The following FOCAD variants were observed in gnomAD, a reference collection of about 807,000 sequenced individuals.
FOCAD encodes focadhesin.
In FOCAD, 198 loss-of-function variants were observed where a neutral mutation model predicts 225.6. The ratio of observed to expected loss-of-function variants is 0.88; its 90% CI spans 0.78 to 0.99. The LOEUF (loss-of-function observed/expected upper bound fraction) is 0.99, where lower values mean the gene tolerates loss of function less well. Ranked by LOEUF, FOCAD falls within the 50% of genes least tolerant of loss-of-function variation. The pLI is 0.00. For synonymous variants in FOCAD, 897 were observed against 755.0 expected (o/e 1.19, Z -3.08); for missense variants, 2,713 against 2,123.6 (o/e 1.28, Z -5.46).
intron 35 of FOCAD, among the ~76,000 whole-genome samples, chr9:20,967,007 G>T (rs1217130553): frequency 6.6e-6 from 1 of 151,686 alleles, no homozygotes; most frequent in Non-Finnish European, 1.5e-5. Context: ...GGTATTTGGG[G>T]CCCCTTGCAA....
chr9:20,976,643 A>G, intron 36 of FOCAD, 95 bp downstream of exon 36: 1 of 1,320,032 alleles, frequency 7.6e-7, no homozygotes, highest in Non-Finnish European at 1.1e-6. Context: ...TAGTGACTGG[A>G]TAGACTTTTC....
intron 2 of FOCAD, among the ~76,000 whole-genome samples, chr9:20,671,435 C>T (rs1822060726): frequency 6.6e-6 from 1 of 151,984 alleles, no homozygotes; most frequent in Non-Finnish European, 1.5e-5. Flanking sequence ...GGCTTCAGCC[C>T]AGAACAAGCT....
chr9:20,951,514 T>C (rs1167667053), intron 34 of FOCAD, among the ~76,000 whole-genome samples: 1 of 152,212 alleles, frequency 6.6e-6, no homozygotes, highest in Non-Finnish European at 1.5e-5. Context: ...AGATTTATTT[T>C]ACTAGATGTA....
At chr9:20,804,092 G>C (rs542143244) in intron 11 of FOCAD, among the ~76,000 whole-genome samples, 1 of 152,002 alleles carries the variant, frequency 6.6e-6, no homozygotes, top group Non-Finnish European at 1.5e-5. Flanking sequence ...AGGTGGGTTC[G>C]ATTCACACCT....
At chr9:20,818,447 G>T (rs1823966468) in intron 11 of FOCAD, among the ~76,000 whole-genome samples, 1 of 151,888 alleles carries the variant, frequency 6.6e-6, no homozygotes, top group African/African-American at 2.4e-5. Context: ...CTACCCCAAT[G>T]TTACAAAGAC....
intron 37 of FOCAD, among the ~76,000 whole-genome samples, chr9:20,980,820 T>A (rs966533505): frequency 1.3e-5 from 2 of 152,238 alleles, no homozygotes; most frequent in African/African-American, 4.8e-5. Context: ...GCCCACTTGG[T>A]TGAAGTCTGT....
chr9:20,753,665 C>G (rs947635041), intron 5 of FOCAD, among the ~76,000 whole-genome samples: 6 of 152,106 alleles, frequency 3.9e-5, no homozygotes, highest in Non-Finnish European at 8.8e-5. Flanking sequence ...CAGGATGATG[C>G]TGGCCTCATA....
At chr9:20,885,805 T>A (rs1242607881) in intron 21 of FOCAD, among the ~76,000 whole-genome samples, 1 of 152,190 alleles carries the variant, frequency 6.6e-6, no homozygotes, top group Non-Finnish European at 1.5e-5. Context: ...GTATTTTTAT[T>A]GTTTTTAAAT....
intron 28 of FOCAD, among the ~76,000 whole-genome samples, chr9:20,937,324 A>C (rs1836087132): frequency 6.6e-6 from 1 of 151,556 alleles, no homozygotes; most frequent in African/African-American, 2.4e-5. Flanking sequence ...CCTGACTTCA[A>C]ACTATACTAC....
At chr9:20,825,282 C>T (rs1431105564) in intron 15 of FOCAD, among the ~76,000 whole-genome samples, 2 of 151,764 alleles carry the variant, frequency 1.3e-5, no homozygotes, top group African/African-American at 4.8e-5. Flanking sequence ...CATTTACTAA[C>T]TGGGGGCTCA....
Position 20,990,198 on chromosome 9 carries a change from G to A in FOCAD, c.5080G>A (p.Gly1694Ser), listed in dbSNP as rs1420513017. ...WADHTAPLLL[G>S]LSASWLPWHQ... Reference sequence around the variant, plus strand: ...TGACCACACTGCCCCTCTCCTCCTCGGCCTCAGTGCCAGTTGGTTGCCATG... The same window carrying A: ...TGACCACACTGCCCCTCTCCTCCTCAGCCTCAGTGCCAGTTGGTTGCCATG... Residue 1694 changes from glycine (G) to serine (S), a missense_variant, in exon 42 of 44, where the codon GGC becomes AGC. Gly to Ser is a moderately conservative substitution (Grantham distance 56, BLOSUM62 0). Transcript: ENST00000338382. 19 of 1,613,998 alleles carry A rather than the reference G, an allele frequency of 1.2e-5. No individual in the cohort carries two copies. The highest frequency in any genetic ancestry group is 1.7e-5 in the Admixed American group (1 of 60,002).
At chr9:20,724,780 C>G (rs1271657922) in intron 4 of FOCAD, among the ~76,000 whole-genome samples, 2 of 151,762 alleles carry the variant, frequency 1.3e-5, no homozygotes, top group Non-Finnish European at 2.9e-5. Context: ...AAGAAACAAG[C>G]TAATTAAAAA....
rs1035621936 is a variant in FOCAD at position 20,929,267 on chromosome 9, GA to G, written c.3079-89del. The G allele has an allele frequency of 1.2e-4, 117 of 965,476 alleles. 1 individual carries two copies. In the African/African-American group the frequency reaches 1.8e-3, roughly 15 times the overall value. 59.8% of individuals were successfully genotyped at this position (965,476 alleles called of 1,614,324 possible). On this transcript the variant is annotated intron_variant, in intron 26 of 43. Transcript: ENST00000338382. ...GGTGTCGGCCGGGGTGGATCTAAGAGAAGCTTGTGTGGTTGTATAGTGCTTT... is the reference window on the plus strand; with the variant it reads ...GGTGTCGGCCGGGGTGGATCTAAGAGAGCTTGTGTGGTTGTATAGTGCTTT...
chr9:20,739,576 C>T (rs932324060), intron 4 of FOCAD, among the ~76,000 whole-genome samples: 8 of 150,176 alleles, frequency 5.3e-5, no homozygotes, highest in Non-Finnish European at 1.2e-4. Context: ...GAACTACAGG[C>T]TGGGCAACAA....
At chr9:20,812,472 G>A in intron 11 of FOCAD, among the ~76,000 whole-genome samples, 1 of 151,724 alleles carries the variant, frequency 6.6e-6, no homozygotes, top group East Asian at 1.9e-4. Flanking sequence ...TTTTTTTGCA[G>A]CCTCATGAAG....
intron 21 of FOCAD, among the ~76,000 whole-genome samples, chr9:20,904,275 G>T (rs1832776499): frequency 6.6e-6 from 1 of 151,894 alleles, no homozygotes; most frequent in African/African-American, 2.4e-5. Context: ...TATATACCTA[G>T]GTGTGGAATT....
chr9:20,882,097 G>A lies in FOCAD; in HGVS notation c.2503+41G>A, dbSNP rs772861529. 3.2e-6 allele frequency: 5 copies of A among 1,557,458 alleles called. No homozygotes were observed. The African/African-American group carries it at 5.5e-5, about 17-fold the overall frequency. ...AGTATCAAAAATACAGGTTTTTCAT[G>A]TAATGATTTAACTTCCACTTTCAAG... is the stretch of plus-strand genomic sequence containing the variant. On this transcript the variant is annotated intron_variant, in intron 20 of 43. Transcript: ENST00000338382.
intron 15 of FOCAD, among the ~76,000 whole-genome samples, chr9:20,858,393 T>G (rs990022956): frequency 4.6e-5 from 7 of 152,142 alleles, no homozygotes; most frequent in African/African-American, 1.2e-4. Context: ...GCTCATAATC[T>G]TCTCTAATGA....
At chr9:20,833,485 A>T (rs1825711364) in intron 15 of FOCAD, among the ~76,000 whole-genome samples, 1 of 152,128 alleles carries the variant, frequency 6.6e-6, no homozygotes, top group South Asian at 2.1e-4. Flanking sequence ...TCTTGATAAG[A>T]CAGGAAGATC....
Sources: allele counts gnomAD v4.1 joint callset (sites outside exome capture counted in the v4.1 genomes callset), GRCh38; gene constraint gnomAD v4.1.1; transcripts MANE v1.5; gene names NCBI Gene and HGNC (gene_info 2026-07-23, HGNC 2026-07-21).